Variants in MERTK observed in about 807,000 individuals in gnomAD.
The protein encoded by MERTK is tyrosine-protein kinase Mer.
In MERTK, 69 loss-of-function variants were observed where a neutral mutation model predicts 99.3. That is an observed-to-expected ratio of 0.70 (90% CI 0.57 to 0.85). MERTK has a LOEUF of 0.85. Ranked by LOEUF, MERTK falls within the 40% of genes least tolerant of loss-of-function variation. The pLI is 0.00. For missense variants in MERTK, 1,125 were observed against 1,249.4 expected, an observed-to-expected ratio of 0.90 and a Z score of 1.50; for synonymous variants, 426 against 467.6, an observed-to-expected ratio of 0.91 and a Z score of 1.15.
In MERTK at chr2:111,968,097, T is replaced by TTGTGTG. The variant is rs759853912; in HGVS notation, c.845-36_845-31dup. The TTGTGTG allele has an allele frequency of 4.6e-4, 367 of 800,034 alleles. No individual in the cohort carries two copies. In the African/African-American group the frequency reaches 6.6e-3, roughly 14 times the overall value. 49.6% of individuals were successfully genotyped at this position (800,034 alleles called of 1,614,324 possible). A position where few individuals can be genotyped will look rare whatever the true frequency, so the allele number is the denominator to read the frequency against. ...TGTAGCCTGTCATCTATAATTGTGT[T>TTGTGTG]TGTGTGTGTATGTGTGTGTGTGTGT... On this transcript the variant is annotated intron_variant, in intron 5 of 18. Coordinates refer to ENST00000295408, the MANE Select transcript of MERTK (RefSeq NM_006343.3).
At chr2:112,024,970 C>G (rs1489153128) in intron 18 of MERTK, 1 of 154,360 alleles carries the variant, frequency 6.5e-6, no homozygotes, top group East Asian at 1.9e-4. Flanking sequence ...AAAAACAAAT[C>G]TAAAGTGTTT....
chr2:112,021,589 C>T lies in MERTK; in HGVS notation c.2349+8C>T, dbSNP rs759785108. On this transcript the variant is annotated splice_region_variant and intron_variant, in intron 17 of 18. Transcript: ENST00000295408. ...ACAAGTAAAAGTGATGTGGTATGTA[C>T]ACAGCTTTGATTCAGGGGTCCCACA... The T allele has an allele frequency of 5.0e-6, 8 of 1,609,312 alleles. No homozygotes were observed. Among genetic ancestry groups the T allele is most frequent in the Non-Finnish European group, 6.8e-6 (8 of 1,176,210 alleles).
intron 1 of MERTK, among the ~76,000 whole-genome samples, chr2:111,923,015 C>G (rs1315197994): frequency 1.3e-5 from 2 of 152,252 alleles, no homozygotes; most frequent in Non-Finnish European, 2.9e-5. Context: ...CATAGGCATG[C>G]TGACAGCCTC....
chr2:111,944,037 G>A (rs185338068), intron 2 of MERTK, among the ~76,000 whole-genome samples: 1 of 152,254 alleles, frequency 6.6e-6, no homozygotes, highest in African/African-American at 2.4e-5. Flanking sequence ...GGTGGCTCAT[G>A]CCCATAATCC....
rs775776288 is a variant in MERTK, at chr2:112,010,026, ATACT to A, written c.2049_2052del (p.Leu683PhefsTer18). ...CCCTTCATGAAATACGGGGACCTGC[ATACT>A]TACTTACTTTATTCCCGATTGGAGA... On this transcript the variant is annotated frameshift_variant, in exon 15 of 19. Coordinates refer to ENST00000295408, the MANE Select transcript of MERTK (RefSeq NM_006343.3). LOFTEE classifies it high-confidence loss of function. The A allele has an allele frequency of 6.8e-6, 11 of 1,613,748 alleles. No homozygotes were observed. Among genetic ancestry groups the A allele is most frequent in the South Asian group, 3.3e-5 (3 of 91,084 alleles).
chr2:111,945,647 G>A (rs1054437104), intron 3 of MERTK, among the ~76,000 whole-genome samples: 1 of 152,210 alleles, frequency 6.6e-6, no homozygotes, highest in Non-Finnish European at 1.5e-5. Flanking sequence ...CTAGGAAAAG[G>A]CAATCTCTGC....
intron 2 of MERTK, among the ~76,000 whole-genome samples, chr2:111,931,142 A>G (rs1309985764): frequency 1.3e-5 from 2 of 152,168 alleles, no homozygotes; most frequent in Non-Finnish European, 2.9e-5. Context: ...CCACCTCACA[A>G]TTACCACAGA....
intron 13 of MERTK, among the ~76,000 whole-genome samples, chr2:112,005,119 G>A (rs1016937243): frequency 2.0e-4 from 30 of 151,804 alleles, no homozygotes; most frequent in Non-Finnish European, 3.1e-4. Flanking sequence ...ACAGGCTGGC[G>A]TGCAGTGGCG....
At chr2:111,924,482 C>T (rs1684518793) in intron 1 of MERTK, among the ~76,000 whole-genome samples, 1 of 152,150 alleles carries the variant, frequency 6.6e-6, no homozygotes, top group Non-Finnish European at 1.5e-5. Flanking sequence ...TCTTGGTCTC[C>T]TGTATCCTTC....
intron 14 of MERTK, among the ~76,000 whole-genome samples, chr2:112,009,080 C>T (rs1023968892): frequency 6.6e-6 from 1 of 152,186 alleles, no homozygotes; most frequent in African/African-American, 2.4e-5. Flanking sequence ...GAAGAGTAAC[C>T]TGGAAATAAT....
chr2:111,980,457 C>G (rs911822896), intron 7 of MERTK, among the ~76,000 whole-genome samples: 1 of 119,778 alleles, frequency 8.3e-6, no homozygotes, highest in Non-Finnish European at 1.6e-5. Flanking sequence ...CTCGCTCTTT[C>G]GCCCAGGCCG....
intron 1 of MERTK, among the ~76,000 whole-genome samples, chr2:111,916,154 C>T (rs976817605): frequency 3.9e-5 from 6 of 152,042 alleles, no homozygotes; most frequent in African/African-American, 1.5e-4. Context: ...CTCATTCTGT[C>T]ACCCAGGCTG....
intron 1 of MERTK, among the ~76,000 whole-genome samples, chr2:111,907,265 T>G (rs1684153657): frequency 6.6e-6 from 1 of 152,022 alleles, no homozygotes; most frequent in South Asian, 2.1e-4. Flanking sequence ...ATACAAAAAA[T>G]TAGCCAGGCG....
intron 1 of MERTK, among the ~76,000 whole-genome samples, chr2:111,920,645 TTTTA>T (rs961773115): frequency 3.3e-5 from 5 of 152,008 alleles, no homozygotes; most frequent in East Asian, 1.9e-4. Flanking sequence ...CTACTCTTTA[TTTTA>T]TTTATTTATT....
At chr2:111,900,601 AAATTTTTGTAGCTG>A (rs1684024962) in intron 1 of MERTK, among the ~76,000 whole-genome samples, 1 of 152,260 alleles carries the variant, frequency 6.6e-6, no homozygotes, top group South Asian at 2.1e-4. Flanking sequence ...CTGTAATAAC[AAATTTTTGTAGCTG>A]ACAATCAACT....
At chr2:111,986,328 T>TCTTTGAGAGAAGGGCTTTTGTTCACA (rs1336996818) in intron 8 of MERTK, among the ~76,000 whole-genome samples, 10 of 152,230 alleles carry the variant, frequency 6.6e-5, no homozygotes, top group Non-Finnish European at 1.2e-4. Context: ...ATCAAATGCC[T>TCTTTGAGAGAAGGGCTTTTGTTCACA]CTTTGAGAGA....
chr2:112,022,208 A>C (rs1276641804), intron 17 of MERTK, 50 bp from the exon 18 acceptor site: 1 of 1,613,644 alleles, frequency 6.2e-7, no homozygotes, highest in South Asian at 1.1e-5. Flanking sequence ...AAGTCCATTC[A>C]GGCTTTGTGG....
chr2:111,906,865 T>C (rs1558766441), intron 1 of MERTK, among the ~76,000 whole-genome samples: 4 of 152,254 alleles, frequency 2.6e-5, no homozygotes, highest in Admixed American at 2.0e-4. Context: ...TGGGGTATAG[T>C]GTGTCCTCCT....
At chr2:111,965,312 T>C (rs1306698668) in intron 5 of MERTK, 35 bp downstream of exon 5, 2 of 1,596,620 alleles carry the variant, frequency 1.3e-6, no homozygotes, top group Non-Finnish European at 1.7e-6. Context: ...ATGCATGTTC[T>C]GGGAGCTGGT....
Sources: gnomAD v4.1 joint callset for allele counts (sites outside exome capture counted in the v4.1 genomes callset) on GRCh38, gnomAD v4.1.1 for gene constraint, MANE v1.5 for transcripts, NCBI Gene and HGNC (gene_info 2026-07-23, HGNC 2026-07-21) for gene names.